MAN1A2: variants seen among roughly 807,000 people sequenced by gnomAD.
The protein encoded by MAN1A2 is mannosidase alpha class 1A member 2, also known as mannosyl-oligosaccharide 1,2-alpha-mannosidase IB.
A neutral mutation model predicts 75.7 loss-of-function variants in MAN1A2; 26 were observed. The ratio of observed to expected loss-of-function variants is 0.34; its 90% CI spans 0.25 to 0.48. The LOEUF (loss-of-function observed/expected upper bound fraction) is 0.48, where lower values mean the gene tolerates loss of function less well. MAN1A2 is among the 20% of genes least tolerant of loss of function. The pLI, the probability that MAN1A2 is intolerant of heterozygous loss-of-function variation, is 0.99. For missense variants in MAN1A2, 562 were observed against 775.5 expected (o/e 0.72, Z 3.27); for synonymous variants, 247 against 264.6 (o/e 0.93, Z 0.65).
At chr1:117,438,411 C>T (rs959136515) in intron 5 of MAN1A2, among the ~76,000 whole-genome samples, 1 of 151,974 alleles carries the variant, frequency 6.6e-6, no homozygotes, top group Non-Finnish European at 1.5e-5. Context: ...AACCCTAAAA[C>T]GTTTATATGG....
intron 6 of MAN1A2, among the ~76,000 whole-genome samples, chr1:117,456,177 A>G (rs1169221010): frequency 6.6e-6 from 1 of 152,120 alleles, no homozygotes; most frequent in East Asian, 1.9e-4. Flanking sequence ...GTATTTCACA[A>G]AATCATAAGT....
intron 4 of MAN1A2, among the ~76,000 whole-genome samples, chr1:117,417,191 C>G (rs1447072070): frequency 6.6e-6 from 1 of 152,006 alleles, no homozygotes; most frequent in African/African-American, 2.4e-5. Context: ...GTAGTGTAAT[C>G]ATCAGCACAG....
chr1:117,520,566 C>T (rs1353935363), intron 12 of MAN1A2, among the ~76,000 whole-genome samples: 1 of 151,902 alleles, frequency 6.6e-6, no homozygotes. Context: ...GCCGCTTTTA[C>T]AATAACTGCA....
chr1:117,449,564 A>G (rs1426163278), intron 6 of MAN1A2, among the ~76,000 whole-genome samples: 1 of 151,882 alleles, frequency 6.6e-6, no homozygotes, highest in Admixed American at 6.6e-5. Context: ...GTCTCAAAAA[A>G]AAAAAAAAAA....
chr1:117,381,766 T>C lies in MAN1A2; in HGVS notation c.302+13281T>C, dbSNP rs1178816567. On this transcript the variant is annotated intron_variant, in intron 1 of 12. Transcript: ENST00000356554. Reference sequence around the variant, plus strand: ...GATCCCTGAGGAATCGCCACACTGATTTCCACAATGGTTGAACTAGTTTAC... The same window carrying C: ...GATCCCTGAGGAATCGCCACACTGACTTCCACAATGGTTGAACTAGTTTAC... Among the ~76,000 whole-genome samples, 909 of 151,716 alleles carry C rather than the reference T, an allele frequency of 6.0e-3. 13 individuals carry two copies. The highest frequency in any genetic ancestry group is 0.021 in the African/African-American group (870 of 41,132).
intron 5 of MAN1A2, among the ~76,000 whole-genome samples, chr1:117,440,324 G>A (rs895703307): frequency 1.3e-5 from 2 of 152,170 alleles, no homozygotes; most frequent in African/African-American, 4.8e-5. Flanking sequence ...ATACAAAGAA[G>A]CTAACAGGTG....
intron 5 of MAN1A2, among the ~76,000 whole-genome samples, chr1:117,439,678 A>G (rs1648965982): frequency 6.6e-6 from 1 of 152,104 alleles, no homozygotes; most frequent in Admixed American, 6.5e-5. Context: ...TGTTTTTAGT[A>G]GAGATGGGGT....
At chr1:117,517,377 A>G (rs536768329) in intron 12 of MAN1A2, among the ~76,000 whole-genome samples, 1 of 152,304 alleles carries the variant, frequency 6.6e-6, no homozygotes, top group Non-Finnish European at 1.5e-5. Context: ...GAATTAGTAG[A>G]CAATGACAGT....
intron 1 of MAN1A2, among the ~76,000 whole-genome samples, chr1:117,380,763 A>ATGCC (rs1342798571): frequency 3.9e-5 from 6 of 152,144 alleles, no homozygotes; most frequent in Non-Finnish European, 8.8e-5. Flanking sequence ...TGTGTTGCTT[A>ATGCC]ATGTAGCTTT....
chr1:117,440,224 C>T (rs775935161), intron 5 of MAN1A2, among the ~76,000 whole-genome samples: 1 of 152,104 alleles, frequency 6.6e-6, no homozygotes, highest in Non-Finnish European at 1.5e-5. Context: ...TAAATTGCAA[C>T]AGAATTTCTG....
intron 1 of MAN1A2, among the ~76,000 whole-genome samples, chr1:117,399,528 G>A (rs1005087946): frequency 3.3e-5 from 5 of 152,144 alleles, no homozygotes; most frequent in African/African-American, 1.2e-4. Flanking sequence ...GAGTGGGTGA[G>A]TTGGGGAAAT....
chr1:117,458,232 AC>A (rs1409241060), intron 6 of MAN1A2, among the ~76,000 whole-genome samples: 1 of 151,910 alleles, frequency 6.6e-6, no homozygotes, highest in Non-Finnish European at 1.5e-5. Context: ...GTAAACACTT[AC>A]ATTTGTGAAA....
intron 8 of MAN1A2, among the ~76,000 whole-genome samples, chr1:117,472,241 A>C (rs1650182655): frequency 6.6e-6 from 1 of 152,062 alleles, no homozygotes; most frequent in Non-Finnish European, 1.5e-5. Context: ...ATGAAAACAG[A>C]AAAGGAAAAT....
chr1:117,505,917 G>A (rs1310671484), intron 12 of MAN1A2, among the ~76,000 whole-genome samples: 1 of 151,198 alleles, frequency 6.6e-6, no homozygotes, highest in African/African-American at 2.4e-5. Flanking sequence ...ATACATAATG[G>A]TAATGGTAAA....
intron 6 of MAN1A2, among the ~76,000 whole-genome samples, chr1:117,442,745 A>G (rs528211576): frequency 6.2e-4 from 95 of 152,286 alleles, no homozygotes; most frequent in Admixed American, 2.0e-3. Context: ...ATACCTAGAA[A>G]TGAGGGCTTC....
intron 5 of MAN1A2, among the ~76,000 whole-genome samples, chr1:117,420,930 A>G (rs962896344): frequency 1.4e-4 from 22 of 152,068 alleles, no homozygotes; most frequent in Admixed American, 2.6e-4. Flanking sequence ...AATTAATTCC[A>G]TGGCCCAAGT....
Position 117,488,213 on chromosome 1 carries a change from CT to C in MAN1A2, c.1169-4921del, listed in dbSNP as rs35480509. Among the ~76,000 whole-genome samples the C allele has an allele frequency of 8.3e-3, 1,212 of 145,410 alleles. 18 individuals carry two copies. The highest frequency in any genetic ancestry group is 0.027 in the African/African-American group (1,077 of 39,806). ...ATTAATCTTAGTTGAAAGCAAATGG[CT>C]TTTTTTTTTTTTCTTGAGACAGAGT... On this transcript the variant is annotated intron_variant, in intron 8 of 12. Coordinates refer to ENST00000356554, the MANE Select transcript of MAN1A2 (RefSeq NM_006699.5).
At chr1:117,398,736 G>A (rs1288688947) in intron 1 of MAN1A2, among the ~76,000 whole-genome samples, 2 of 151,742 alleles carry the variant, frequency 1.3e-5, no homozygotes, top group African/African-American at 4.8e-5. Context: ...AGAGGAGTAT[G>A]TATGAGATGA....
chr1:117,439,136 A>G (rs1436188760), intron 5 of MAN1A2, among the ~76,000 whole-genome samples: 1 of 152,192 alleles, frequency 6.6e-6, no homozygotes, highest in Non-Finnish European at 1.5e-5. Context: ...GAGAACAACA[A>G]AAGAGGCGAG....
Sources: gnomAD v4.1 joint callset for allele counts (sites outside exome capture counted in the v4.1 genomes callset) on GRCh38, gnomAD v4.1.1 for gene constraint, MANE v1.5 for transcripts, NCBI Gene and HGNC (gene_info 2026-07-23, HGNC 2026-07-21) for gene names.